The following TMEM74 variants were observed in gnomAD, a reference collection of about 807,000 sequenced individuals.
The protein encoded by TMEM74 is transmembrane protein 74.
A neutral mutation model predicts 18.1 loss-of-function variants in TMEM74; 13 were observed. The ratio of observed to expected loss-of-function variants is 0.72; its 90% confidence interval spans 0.47 to 1.14. The LOEUF (loss-of-function observed/expected upper bound fraction) is 1.14, where lower values mean the gene tolerates loss of function less well. TMEM74 is among the 50% of genes most tolerant of loss of function. The pLI is 0.00. For missense variants in TMEM74, 372 were observed against 375.9 expected (o/e 0.99, Z 0.09); for synonymous variants, 159 against 146.6 (o/e 1.08, Z -0.61).
downstream of TMEM74, among the ~76,000 whole-genome samples, chr8:108,777,861 C>T (rs1180409827): frequency 6.6e-6 from 1 of 152,074 alleles, no homozygotes; most frequent in Non-Finnish European, 1.5e-5. Context: ...AGTAAGAACC[C>T]AAGAAAGTAA....
intron 1 of TMEM74, among the ~76,000 whole-genome samples, chr8:108,772,056 C>A (rs955762668): frequency 2.0e-5 from 3 of 151,846 alleles, no homozygotes; most frequent in African/African-American, 7.3e-5. Context: ...ATTTTTGATT[C>A]CTGGTTAGAG....
intron 2 of TMEM74, among the ~76,000 whole-genome samples, chr8:108,613,786 C>T (rs979427610): frequency 1.3e-5 from 2 of 152,100 alleles, no homozygotes; most frequent in Non-Finnish European, 2.9e-5. Context: ...GGCTCTAGAC[C>T]TTACATCAAA....
At chr8:108,638,500 A>G (rs1812628855) in intron 2 of TMEM74, among the ~76,000 whole-genome samples, 1 of 151,936 alleles carries the variant, frequency 6.6e-6, no homozygotes, top group African/African-American at 2.4e-5. Flanking sequence ...ATTCAAACTA[A>G]GTCAATCCAG....
chr8:108,699,537 C>T (rs138302465), intron 1 of TMEM74, among the ~76,000 whole-genome samples: 179 of 152,076 alleles, frequency 1.2e-3, no homozygotes, highest in Non-Finnish European at 2.3e-3. Flanking sequence ...GGCCAGAATA[C>T]CTCAGATATA....
chr8:108,635,603 G>A (rs577687336), intron 2 of TMEM74, among the ~76,000 whole-genome samples: 3 of 152,086 alleles, frequency 2.0e-5, no homozygotes, highest in South Asian at 4.1e-4. Flanking sequence ...CCAACACTGG[G>A]TTTATTTTTA....
chr8:108,659,922 C>T (rs1057481094), intron 1 of TMEM74, among the ~76,000 whole-genome samples: 6 of 152,150 alleles, frequency 3.9e-5, no homozygotes, highest in Admixed American at 2.0e-4. Flanking sequence ...GCCATTTCAG[C>T]TCCCTTCAGG....
At position 108,765,606 on chromosome 8, in the gene TMEM74, A is replaced by C. The variant is rs568452813; in HGVS notation, n.119+21870T>G. The stretch of plus-strand genomic sequence containing the variant: ...GTATGTTTAGTAGAGATGGGGTTTC[A>C]CCATGATGGCCAGGCTGGTCTCAAA... On this transcript the variant is annotated intron_variant and non_coding_transcript_variant, in intron 1 of 3. Transcript: ENST00000518838. Among the ~76,000 whole-genome samples the C allele has an allele frequency of 5.4e-4, 82 of 151,922 alleles. 1 individual carries two copies. The highest frequency in any genetic ancestry group is 6.8e-3 in the Middle Eastern group (2 of 294).
intron 2 of TMEM74, among the ~76,000 whole-genome samples, chr8:108,617,642 A>G (rs929946230): frequency 6.6e-6 from 1 of 152,088 alleles, no homozygotes; most frequent in East Asian, 1.9e-4. Flanking sequence ...TAATCTTCCT[A>G]CAGCTGATCT....
chr8:108,787,440 C>G (rs141087905), intron 1 of TMEM74, 36 bp downstream of exon 1: 1 of 152,446 alleles, frequency 6.6e-6, no homozygotes, highest in African/African-American at 2.4e-5. Context: ...CCCTTGCATT[C>G]AAAGCCTCCA....
At chr8:108,719,539 T>A (rs1016892550) in intron 1 of TMEM74, among the ~76,000 whole-genome samples, 3 of 152,144 alleles carry the variant, frequency 2.0e-5, no homozygotes, top group African/African-American at 7.2e-5. Flanking sequence ...GGATACAGTT[T>A]TTCAGATGTT....
chr8:108,754,692 T>A (rs1421952670), intron 1 of TMEM74, among the ~76,000 whole-genome samples: 3 of 143,586 alleles, frequency 2.1e-5, no homozygotes, highest in Non-Finnish European at 4.6e-5. Context: ...GGTAGCTAGG[T>A]AGGTAGACAG....
chr8:108,713,236 T>C (rs1342331609), intron 1 of TMEM74, among the ~76,000 whole-genome samples: 1 of 152,038 alleles, frequency 6.6e-6, no homozygotes, highest in East Asian at 1.9e-4. Flanking sequence ...GATAAGGCCA[T>C]AGGAAATGGG....
chr8:108,683,910 T>C (rs775396811), intron 1 of TMEM74, among the ~76,000 whole-genome samples: 10 of 152,106 alleles, frequency 6.6e-5, no homozygotes, highest in Non-Finnish European at 1.2e-4. Flanking sequence ...GTTCCATCCA[T>C]GCTGCTGCAA....
chr8:108,720,054 C>T (rs1253859722), intron 1 of TMEM74, among the ~76,000 whole-genome samples: 1 of 151,850 alleles, frequency 6.6e-6, no homozygotes, highest in Non-Finnish European at 1.5e-5. Context: ...TGTAAACAAC[C>T]TCTTTGGAAC....
chr8:108,636,955 C>T (rs1812612979), intron 2 of TMEM74, among the ~76,000 whole-genome samples: 1 of 152,038 alleles, frequency 6.6e-6, no homozygotes, highest in African/African-American at 2.4e-5. Flanking sequence ...TCAAACCCAG[C>T]TTCCAGTAGC....
intron 1 of TMEM74, among the ~76,000 whole-genome samples, chr8:108,673,346 G>A (rs923577660): frequency 2.6e-5 from 4 of 152,190 alleles, no homozygotes; most frequent in South Asian, 2.1e-4. Context: ...TACTAGTTTC[G>A]GACTTTATTG....
At position 108,754,597 on chromosome 8, in the gene TMEM74, T is replaced by C. The variant is rs909497394; in HGVS notation, n.119+32879A>G. Among the ~76,000 whole-genome samples the C allele has an allele frequency of 7.2e-5, 11 of 152,104 alleles. No homozygotes were observed. The East Asian group carries it at 2.1e-3, about 30-fold the overall frequency. On this transcript the variant is annotated intron_variant and non_coding_transcript_variant, in intron 1 of 3. Transcript: ENST00000518838. ...GCCAACTTTATGAAGTTAGTGGCTGTATTACTCAGGGTTCTCCAAAGAAAC... is the reference window on the plus strand; with the variant it reads ...GCCAACTTTATGAAGTTAGTGGCTGCATTACTCAGGGTTCTCCAAAGAAAC...
chr8:108,680,590 C>T (rs1263054443), intron 1 of TMEM74, among the ~76,000 whole-genome samples: 1 of 152,140 alleles, frequency 6.6e-6, no homozygotes, highest in Non-Finnish European at 1.5e-5. Context: ...GGAAGCATTC[C>T]CTTTGAAAAC....
chr8:108,768,456 T>C (rs1279186054), intron 1 of TMEM74, among the ~76,000 whole-genome samples: 1 of 152,188 alleles, frequency 6.6e-6, no homozygotes, highest in East Asian at 1.9e-4. Context: ...AAAATCTGAT[T>C]ATGCTACTTT....
Sources: allele counts gnomAD v4.1 joint callset (sites outside exome capture counted in the v4.1 genomes callset), GRCh38; gene constraint gnomAD v4.1.1; transcripts MANE v1.5; gene names NCBI Gene and HGNC (gene_info 2026-07-23, HGNC 2026-07-21).